The following ANKLE2 variants were observed in gnomAD, a reference collection of about 807,000 sequenced individuals.
The protein encoded by ANKLE2 is ankyrin repeat and LEM domain-containing protein 2.
Under a neutral mutation model 84.2 loss-of-function variants are expected in ANKLE2, and 55 were observed. The ratio of observed to expected loss-of-function variants is 0.65; its 90% CI spans 0.53 to 0.82. ANKLE2 has a LOEUF of 0.82. Among genes scored for constraint, ANKLE2 ranks in the 40% least tolerant of loss-of-function variants. ANKLE2 has a pLI of 0.00. For synonymous variants in ANKLE2, 551 were observed against 486.1 expected (o/e 1.13, Z -1.76); for missense variants, 1,238 against 1,201.9 (o/e 1.03, Z -0.44).
chr12:132,734,329 A>AC, intron 10 of ANKLE2, 56 bp downstream of exon 10: 1 of 1,581,220 alleles, frequency 6.3e-7, no homozygotes, highest in Non-Finnish European at 8.6e-7. Context: ...ATCCCGTCAG[A>AC]CCCCGGCCAT....
chr12:132,747,233 C>T (rs114909817), intron 5 of ANKLE2, among the ~76,000 whole-genome samples: 1,706 of 152,096 alleles, frequency 0.011, 9 homozygotes, highest in African/African-American at 0.019. Context: ...CACAGCCCTG[C>T]GTGTCAGGCA....
In ANKLE2 at chr12:132,735,830, G is replaced by A. The variant is rs963136747; in HGVS notation, c.1594-318C>T. Among the ~76,000 whole-genome samples, 5 of 152,200 alleles carry A rather than the reference G, an allele frequency of 3.3e-5. No homozygotes were observed. In the South Asian group the frequency reaches 6.2e-4, roughly 19 times the overall value. ...GACGGCTCGGAGCTGCCACCCCGAC[G>A]CACATGTGACACTGCTCCCATCGCA... On this transcript the variant is annotated intron_variant, in intron 8 of 12. Coordinates refer to ENST00000357997, the MANE Select transcript of ANKLE2 (RefSeq NM_015114.3).
chr12:132,761,656 G>T lies in ANKLE2; in HGVS notation c.143C>A (p.Pro48Gln). The T allele has an allele frequency of 7.7e-7, 1 of 1,291,318 alleles. No homozygotes were observed. Among genetic ancestry groups the T allele is most frequent in the Non-Finnish European group, 9.8e-7 (1 of 1,019,880 alleles). 80.0% of individuals were successfully genotyped at this position (1,291,318 alleles called of 1,614,324 possible). ...RPGGLGRSGT[P>Q]VPPPSAAAAP... ...GGCGGCCGCGCTTGGCGGAGGAACTGGGGTCCCGCTGCGGCCCAGACCTCC... is the reference window on the plus strand; with the variant it reads ...GGCGGCCGCGCTTGGCGGAGGAACTTGGGTCCCGCTGCGGCCCAGACCTCC... The change falls in exon 1 of 13, where the codon CCA becomes CAA. Residue 48 changes from proline (P) to glutamine (Q), a missense_variant. Coordinates refer to ENST00000357997, the MANE Select transcript of ANKLE2 (RefSeq NM_015114.3).
chr12:132,748,335 T>C lies in ANKLE2; in HGVS notation c.848-4A>G, dbSNP rs2044283743. ...GATTCCGACAAGCACAAACCATCTG[T>C]CAGTAAGAGACAGAATTTAAGAACA... On this transcript the variant is annotated splice_polypyrimidine_tract_variant and splice_region_variant and intron_variant, in intron 3 of 12. Coordinates refer to ENST00000357997, the MANE Select transcript of ANKLE2 (RefSeq NM_015114.3). The C allele has an allele frequency of 6.2e-7, 1 of 1,613,864 alleles. No individual in the cohort carries two copies. The highest frequency in any genetic ancestry group is 8.5e-7 in the Non-Finnish European group (1 of 1,179,966).
In ANKLE2 at chr12:132,728,136, A is replaced by G; in HGVS notation, c.2511T>C (p.Asp837=). ...FGEEPSKLDQ[D]VLAALECADV... ...CTGCACATTCAAGAGCGGCCAAAAC[A>G]TCCTGATCGAGTTTTGATGGCTCCT... Residue 837 remains aspartate, a synonymous_variant, in exon 12 of 13, where the codon GAT becomes GAC. Coordinates refer to ENST00000357997, the MANE Select transcript of ANKLE2 (RefSeq NM_015114.3). 1 of 1,612,778 alleles carries G rather than the reference A, an allele frequency of 6.2e-7. No homozygotes were observed. Among genetic ancestry groups the G allele is most frequent in the Non-Finnish European group, 8.5e-7 (1 of 1,179,886 alleles).
rs568102691 is a variant in ANKLE2, at chr12:132,741,757, A to G, written c.1354-272T>C. The G allele has an allele frequency of 1.6e-3, 907 of 584,746 alleles. 1 individual carries two copies. The highest frequency in any genetic ancestry group is 2.6e-3 in the Middle Eastern group (10 of 3,812). 36.2% of individuals were successfully genotyped at this position (584,746 alleles called of 1,614,324 possible). ...TTTCTAACTGTCTGCAAGGAGAGGAAAAGGTACCAGCGCATCGAGTAAAAG... is the reference window on the plus strand; with the variant it reads ...TTTCTAACTGTCTGCAAGGAGAGGAGAAGGTACCAGCGCATCGAGTAAAAG... On this transcript the variant is annotated intron_variant, in intron 6 of 12. Transcript: ENST00000357997.
intron 1 of ANKLE2, chr12:132,757,172 T>C (rs1328906852): frequency 6.6e-6 from 1 of 152,224 alleles, no homozygotes; most frequent in African/African-American, 2.4e-5. Flanking sequence ...AGGCAGTAGA[T>C]GTTTTCACAA....
chr12:132,727,526 A>G (rs1362186860), intron 12 of ANKLE2, 83 bp from the exon 13 acceptor site: 2 of 1,138,230 alleles, frequency 1.8e-6, no homozygotes, highest in Non-Finnish European at 2.3e-6. Flanking sequence ...ATGGCCCCAG[A>G]CTCAGGCACA....
At chr12:132,738,185 G>GC (rs768458666) in intron 7 of ANKLE2, 1 of 152,134 alleles carries the variant, frequency 6.6e-6, no homozygotes, top group East Asian at 1.9e-4. Context: ...GGGCCGCTGT[G>GC]CCCGGCCTCC....
At position 132,761,687 on chromosome 12, in the gene ANKLE2, G is replaced by C. The variant is rs976777179; in HGVS notation, c.112C>G (p.Arg38Gly). 7.4e-7 allele frequency: 1 copy of C among 1,345,338 alleles called. No homozygotes were observed. The highest frequency in any genetic ancestry group is 1.5e-5 in the African/African-American group (1 of 66,134). The allele number at this position is 1,345,338 out of a possible 1,614,324, so 83.3% of individuals were successfully genotyped here. A position where few individuals can be genotyped will look rare whatever the true frequency, so the allele number is the denominator to read the frequency against. ...CCGCTGCGGCCCAGACCTCCCGGCC[G>C]CGGGCCCAGCCGCCGCACCAGCCAC... is the stretch of plus-strand genomic sequence containing the variant. Reference protein sequence around the residue: ...VRWLVRRLGPRPGGLGRSGTP... With the variant: ...VRWLVRRLGPGPGGLGRSGTP... The change falls in exon 1 of 13, where the codon CGG (arginine) becomes GGG (glycine). Residue 38 changes from arginine to glycine, a missense_variant. Coordinates refer to ENST00000357997, the MANE Select transcript of ANKLE2 (RefSeq NM_015114.3).
At chr12:132,760,349 G>C (rs2044600349) in intron 1 of ANKLE2, 2 of 152,212 alleles carry the variant, frequency 1.3e-5, no homozygotes, top group African/African-American at 2.4e-5. Context: ...CAGGTCGTCA[G>C]TTCTGCAGTG....
At chr12:132,755,996 C>A in intron 1 of ANKLE2, 1 of 151,712 alleles carries the variant, frequency 6.6e-6, no homozygotes, top group Non-Finnish European at 1.5e-5. Context: ...CAGGCGTGCA[C>A]CACCACGCCC....
chr12:132,754,547 T>TGGG (rs1272893250), intron 2 of ANKLE2, 128 bp downstream of exon 2: 2 of 838,686 alleles, frequency 2.4e-6, no homozygotes, highest in Non-Finnish European at 3.6e-6. Flanking sequence ...AATGGTTAAC[T>TGGG]GGGGTGATGA....
intron 2 of ANKLE2, chr12:132,751,202 A>AT (rs1303202271): frequency 2.4e-5 from 4 of 167,914 alleles, no homozygotes; most frequent in African/African-American, 9.5e-5. Flanking sequence ...ACATAAGAGA[A>AT]TTTTAAACAC....
At chr12:132,734,690 A>G (rs1452166613) in intron 9 of ANKLE2, 115 bp from the exon 10 acceptor site, 1 of 1,094,568 alleles carries the variant, frequency 9.1e-7, no homozygotes, top group African/African-American at 1.6e-5. Context: ...AATCATGGTT[A>G]TAATTTTCCT....
intron 5 of ANKLE2, among the ~76,000 whole-genome samples, chr12:132,744,055 C>A (rs576969456): frequency 1.3e-5 from 2 of 152,336 alleles, no homozygotes; most frequent in Admixed American, 6.5e-5. Context: ...CATGACGCTG[C>A]GTCACGCCCT....
rs749797672 is a variant in ANKLE2, at chr12:132,730,063, C to A, written c.2099G>T (p.Gly700Val). 1 of 1,612,706 alleles carries A rather than the reference C, an allele frequency of 6.2e-7. No homozygotes were observed. Among genetic ancestry groups the A allele is most frequent in the Non-Finnish European group, 8.5e-7 (1 of 1,179,698 alleles). ...EPGGPHSSRN[G>V]LCHPLNHSRT... ...GCTGTGATTCAGAGGATGGCAGAGC[C>A]CATTTCTGCTGCTGTGTGGACCTCC... is the stretch of plus-strand genomic sequence containing the variant. Residue 700 changes from glycine to valine, a missense_variant, in exon 11 of 13, where the codon GGG becomes GTG. By Grantham distance (109) the Gly-to-Val change is moderately radical. Around this residue, in one of 3 missense-constraint regions of ANKLE2, gnomAD observed 802 missense variants for 774.5 expected, o/e 1.04. Coordinates refer to ENST00000357997, the MANE Select transcript of ANKLE2 (RefSeq NM_015114.3).
chr12:132,759,282 G>A (rs1004798515), intron 1 of ANKLE2: 4 of 152,258 alleles, frequency 2.6e-5, no homozygotes, highest in Non-Finnish European at 4.4e-5. Flanking sequence ...CAGTGTGCAA[G>A]TTTAACCATT....
intron 8 of ANKLE2, among the ~76,000 whole-genome samples, chr12:132,736,090 T>C (rs927847365): frequency 2.0e-5 from 3 of 152,162 alleles, no homozygotes; most frequent in South Asian, 2.1e-4. Context: ...TAGCTGGGAC[T>C]ATAGGCGCCC....
Sources: gnomAD v4.1 joint callset for allele counts (sites outside exome capture counted in the v4.1 genomes callset) on GRCh38, gnomAD v4.1.1 for gene constraint, gnomAD v4.1.1 regional missense constraint, MANE v1.5 for transcripts, NCBI Gene and HGNC (gene_info 2026-07-23, HGNC 2026-07-21) for gene names.